Variants in AIDA observed in about 807,000 individuals in gnomAD.
AIDA encodes axin interactor, dorsalization-associated protein.
In AIDA, 18 loss-of-function variants were observed where a neutral mutation model predicts 42.7. That is an observed-to-expected ratio of 0.42 (90% confidence interval 0.29 to 0.63). The LOEUF is 0.63. Among genes scored for constraint, AIDA ranks in the 20% least tolerant of loss-of-function variants. The probability of loss-of-function intolerance (pLI) is 0.19; values close to 1 mark genes in which losing one functional copy is unlikely to be tolerated. For synonymous variants in AIDA, 104 were observed against 122.9 expected, an observed-to-expected ratio of 0.85 and a Z score of 1.02; for missense variants, 250 against 354.1, an observed-to-expected ratio of 0.71 and a Z score of 2.36.
At chr1:222,710,666 A>G (rs1655978226) in intron 1 of AIDA, among the ~76,000 whole-genome samples, 2 of 152,254 alleles carry the variant, frequency 1.3e-5, no homozygotes. Context: ...ATTCACTTAC[A>G]GAATTACTCT....
intron 6 of AIDA, among the ~76,000 whole-genome samples, chr1:222,678,107 C>T (rs926723201): frequency 9.9e-5 from 15 of 151,882 alleles, no homozygotes; most frequent in African/African-American, 3.6e-4. Context: ...GTCTCAGCAA[C>T]AGGGAACTGC....
Position 222,705,984 on chromosome 1 carries a change from T to A in AIDA, c.111-2767A>T, listed in dbSNP as rs112951294. ...TAAAGATCACTTAGAATTCAATAGA[T>A]AAAAGACAGGAAACTCAATTTTAAA... is the stretch of plus-strand genomic sequence containing the variant. On this transcript the variant is annotated intron_variant, in intron 1 of 9. Transcript: ENST00000340020. Among the ~76,000 whole-genome samples, 259 of 151,930 alleles carry A rather than the reference T, an allele frequency of 1.7e-3. 1 individual carries two copies. Among genetic ancestry groups the A allele is most frequent in the African/African-American group, 5.9e-3 (245 of 41,402 alleles).
intron 8 of AIDA, 85 bp downstream of exon 8, chr1:222,673,228 C>CTA: frequency 8.0e-7 from 1 of 1,254,182 alleles, no homozygotes; most frequent in Non-Finnish European, 1.1e-6. Context: ...CAGATACTAA[C>CTA]TATGCTAGGT....
At chr1:222,686,858 CCAAAGAAAGTTT>C in intron 6 of AIDA, 60 bp downstream of exon 6, 1 of 1,535,296 alleles carries the variant, frequency 6.5e-7, no homozygotes, top group Non-Finnish European at 8.8e-7. Flanking sequence ...CTAGCAAATA[CCAAAGAAAGTTT>C]CAAACACCCT....
At chr1:222,707,541 C>T (rs1036252890) in intron 1 of AIDA, among the ~76,000 whole-genome samples, 2 of 149,966 alleles carry the variant, frequency 1.3e-5, no homozygotes, top group Admixed American at 6.6e-5. Context: ...CAAAGTGACA[C>T]CTGATTGTGT....
intron 6 of AIDA, 69 bp downstream of exon 6, chr1:222,686,861 A>C: frequency 6.5e-7 from 1 of 1,541,158 alleles, no homozygotes; most frequent in East Asian, 2.4e-5. Context: ...GCAAATACCA[A>C]AGAAAGTTTC....
chr1:222,701,993 G>A (rs959206087), intron 2 of AIDA, among the ~76,000 whole-genome samples: 1 of 151,466 alleles, frequency 6.6e-6, no homozygotes, highest in African/African-American at 2.4e-5. Context: ...CGAAGTGCTG[G>A]GATTACAGGC....
intron 8 of AIDA, among the ~76,000 whole-genome samples, chr1:222,670,659 G>T (rs1188127723): frequency 1.3e-5 from 2 of 152,088 alleles, no homozygotes; most frequent in African/African-American, 2.4e-5. Context: ...ATTTAAGCTC[G>T]AATTGTTTCC....
intron 2 of AIDA, among the ~76,000 whole-genome samples, chr1:222,695,365 G>A (rs1351715390): frequency 6.6e-6 from 1 of 152,214 alleles, no homozygotes; most frequent in Non-Finnish European, 1.5e-5. Flanking sequence ...GGTTGCACAT[G>A]CCTGTAGTCC....
Position 222,669,816 on chromosome 1 carries a change from G to A in AIDA, c.*77C>T. 2 of 1,375,728 alleles carry A rather than the reference G, an allele frequency of 1.5e-6. No homozygotes were observed. The highest frequency in any genetic ancestry group is 1.0e-6 in the Non-Finnish European group (1 of 999,130). The allele number at this position is 1,375,728 out of a possible 1,614,324, so 85.2% of individuals were successfully genotyped here. A position where few individuals can be genotyped will look rare whatever the true frequency, so the allele number is the denominator to read the frequency against. ...GCTTGCTTCCTGCCTGTTGAAGGGT[G>A]AATATGCTACACAGAGCTATGATGG... On this transcript the variant is annotated 3_prime_UTR_variant, in exon 10 of 10. Transcript: ENST00000340020.
chr1:222,709,221 A>C (rs539229431), intron 1 of AIDA, among the ~76,000 whole-genome samples: 9 of 152,304 alleles, frequency 5.9e-5, no homozygotes, highest in African/African-American at 1.9e-4. Flanking sequence ...TCACGAGGTC[A>C]AGAGTTCAAG....
intron 2 of AIDA, among the ~76,000 whole-genome samples, chr1:222,699,596 A>C (rs535006038): frequency 6.6e-6 from 1 of 152,156 alleles, no homozygotes; most frequent in Non-Finnish European, 1.5e-5. Context: ...AACATCTATT[A>C]ATTTTTCAGA....
chr1:222,689,520 T>TATATATATATACACAC (rs765351898), intron 4 of AIDA, among the ~76,000 whole-genome samples: 2 of 58,110 alleles, frequency 3.4e-5, no homozygotes, highest in Non-Finnish European at 3.8e-5. Context: ...TATATATATA[T>TATATATATATACACAC]ACACACATAC....
intron 1 of AIDA, among the ~76,000 whole-genome samples, chr1:222,704,065 T>C (rs138950402): frequency 1.8e-4 from 28 of 152,314 alleles, no homozygotes; most frequent in Middle Eastern, 3.4e-3. Context: ...CTAGTCATTA[T>C]GAAAACACAG....
At chr1:222,697,072 A>G (rs1381199889) in intron 2 of AIDA, among the ~76,000 whole-genome samples, 1 of 151,968 alleles carries the variant, frequency 6.6e-6, no homozygotes. Context: ...CCTCTCGAGT[A>G]GCTGGGATTA....
intron 6 of AIDA, among the ~76,000 whole-genome samples, chr1:222,677,886 T>C (rs1378422116): frequency 6.6e-6 from 1 of 152,178 alleles, no homozygotes; most frequent in African/African-American, 2.4e-5. Flanking sequence ...AACACCTCAA[T>C]AGAGAACCTG....
chr1:222,698,517 T>C (rs1282451993), intron 2 of AIDA, among the ~76,000 whole-genome samples: 1 of 151,410 alleles, frequency 6.6e-6, no homozygotes, highest in Admixed American at 6.6e-5. Flanking sequence ...AGTGGTGTGA[T>C]TTCGGCTCAC....
intron 4 of AIDA, 82 bp from the exon 5 acceptor site, chr1:222,687,740 A>C: frequency 9.3e-7 from 1 of 1,070,170 alleles, no homozygotes; most frequent in Non-Finnish European, 1.3e-6. Flanking sequence ...ATTTTTAATC[A>C]ATTTTATTGT....
At chr1:222,682,876 T>TCTG (rs1467179150) in intron 6 of AIDA, among the ~76,000 whole-genome samples, 3 of 152,224 alleles carry the variant, frequency 2.0e-5, no homozygotes, top group Admixed American at 2.0e-4. Context: ...GTCTTGAAAA[T>TCTG]CTGGCAATAG....
Sources: gnomAD v4.1 joint callset for allele counts (sites outside exome capture counted in the v4.1 genomes callset) on GRCh38, gnomAD v4.1.1 for gene constraint, MANE v1.5 for transcripts, NCBI Gene and HGNC (gene_info 2026-07-23, HGNC 2026-07-21) for gene names.